P2RX4: variants seen among roughly 807,000 people sequenced by gnomAD.
P2RX4 encodes the protein P2X purinoceptor 4.
A neutral mutation model predicts 48.0 loss-of-function variants in P2RX4; 37 were observed. That is an observed-to-expected ratio of 0.77 (90% CI 0.59 to 1.01). P2RX4 has a LOEUF of 1.01. Among genes scored for constraint, P2RX4 ranks in the 50% least tolerant of loss-of-function variants. P2RX4 has a pLI of 0.00. For synonymous variants in P2RX4, 200 were observed against 199.7 expected (o/e 1.00, Z -0.01); for missense variants, 501 against 521.4 (o/e 0.96, Z 0.38).
At chr12:121,212,824 A>ATATATTTTTTTTTTTTTTTTTTT (rs370835501) in intron 1 of P2RX4, 1 of 32,262 alleles carries the variant, frequency 3.1e-5, no homozygotes, top group African/African-American at 1.7e-4. Context: ...ATATATATAT[A>ATATATTTTTTTTTTTTTTTTTTT]TTTTTTTTTT....
intron 1 of P2RX4, chr12:121,213,650 T>A (rs1886037176): frequency 6.6e-6 from 1 of 152,164 alleles, no homozygotes; most frequent in African/African-American, 2.4e-5. Context: ...CATCTCAGCC[T>A]CTGGAATTAT....
intron 8 of P2RX4, among the ~76,000 whole-genome samples, chr12:121,230,958 T>C (rs1441788317): frequency 6.9e-6 from 1 of 144,958 alleles, no homozygotes; most frequent in Middle Eastern, 3.3e-3. Context: ...ATAGCCATTA[T>C]ATATATAGCC....
chr12:121,218,568 C>T (rs995272213), intron 2 of P2RX4, among the ~76,000 whole-genome samples: 2 of 152,136 alleles, frequency 1.3e-5, no homozygotes, highest in African/African-American at 2.4e-5. Flanking sequence ...AGCAGAGAGA[C>T]GGTTGCCTCC....
intron 1 of P2RX4, among the ~76,000 whole-genome samples, chr12:121,210,537 T>C (rs1038194902): frequency 5.3e-4 from 81 of 152,282 alleles, no homozygotes; most frequent in Middle Eastern, 3.4e-3. Flanking sequence ...CCGAGCACTT[T>C]GGGAGCCCGA....
Position 121,222,981 on chromosome 12 carries a change from G to T in P2RX4, c.462G>T (p.Gly154=). The change falls in exon 5 of 12, where the codon GGG becomes GGT. Residue 154 remains glycine, a synonymous_variant. Coordinates refer to ENST00000337233, the MANE Select transcript of P2RX4 (RefSeq NM_002560.3). ...CAGGCAGGTGCGTAGCTTTCAACGG[G>T]TCTGTCAAGACGTGTGAGGTGGCGG... ...VSTGRCVAFN[G]SVKTCEVAAW... The T allele has an allele frequency of 6.2e-7, 1 of 1,613,854 alleles. No homozygotes were observed. The highest frequency in any genetic ancestry group is 8.5e-7 in the Non-Finnish European group (1 of 1,179,756).
At chr12:121,224,806 G>A (rs987887985) in intron 5 of P2RX4, among the ~76,000 whole-genome samples, 35 of 151,784 alleles carry the variant, frequency 2.3e-4, no homozygotes, top group African/African-American at 7.3e-4. Flanking sequence ...CATGAGCCCC[G>A]GGGAGCAGGA....
At chr12:121,231,256 C>G (rs1292645236) in intron 8 of P2RX4, among the ~76,000 whole-genome samples, 1 of 151,898 alleles carries the variant, frequency 6.6e-6, no homozygotes, top group Admixed American at 6.6e-5. Context: ...CCCAAAGTGC[C>G]GGAATTACAG....
intron 1 of P2RX4, among the ~76,000 whole-genome samples, chr12:121,212,489 ATT>A (rs541747738): frequency 1.0e-3 from 135 of 135,316 alleles, no homozygotes; most frequent in African/African-American, 2.3e-3. Flanking sequence ...AAAAAAAAGA[ATT>A]TTTTTTTTTT....
At chr12:121,228,401 TATATAC>T (rs1233134816) in intron 5 of P2RX4, 126 bp from the exon 6 acceptor site, 29 of 254,052 alleles carry the variant, frequency 1.1e-4, no homozygotes, top group Admixed American at 1.6e-4. Context: ...TATATATATA[TATATAC>T]ACACACACAC....
At chr12:121,216,952 T>C (rs543891116) in intron 1 of P2RX4, 182 bp from the exon 2 acceptor site, 1 of 720,072 alleles carries the variant, frequency 1.4e-6, no homozygotes, top group East Asian at 2.7e-5. Context: ...TCCTGTGGTT[T>C]AGGTGCTACC....
At chr12:121,231,426 T>C (rs1419277628) in intron 8 of P2RX4, among the ~76,000 whole-genome samples, 1 of 152,162 alleles carries the variant, frequency 6.6e-6, no homozygotes, top group African/African-American at 2.4e-5. Flanking sequence ...AACATTTCCG[T>C]CATCTCAAAA....
rs1305810179 is a variant in P2RX4 at position 121,217,225 on chromosome 12, A to G, written c.226A>G (p.Thr76Ala). Residue 76 changes from threonine (T) to alanine (A), a missense_variant, in exon 2 of 12, where the codon ACT becomes GCT. Transcript: ENST00000337233. ...TKVKGVAVTN[T>A]SKLGFRIWDV... ...GGTCAAGGGCGTGGCTGTGACCAAC[A>G]CTTCTAAACTTGGATTCCGGATCTG... The G allele has an allele frequency of 3.1e-6, 5 of 1,614,206 alleles. No homozygotes were observed. In the South Asian group the frequency reaches 3.3e-5, roughly 11 times the overall value.
chr12:121,222,810 G>A, intron 4 of P2RX4, 137 bp from the exon 5 acceptor site: 5 of 1,521,988 alleles, frequency 3.3e-6, no homozygotes, highest in South Asian at 1.2e-5. Flanking sequence ...CAGTGACACT[G>A]TCTAAATCCC....
intron 5 of P2RX4, among the ~76,000 whole-genome samples, chr12:121,225,025 G>A (rs998089226): frequency 9.9e-5 from 15 of 151,944 alleles, no homozygotes; most frequent in Non-Finnish European, 1.8e-4. Context: ...GGCTGGGTCC[G>A]AAAGGAGATG....
rs115025146 is a variant in P2RX4 at position 121,228,253 on chromosome 12, C to T, written c.525-280C>T. 4.3e-3 allele frequency among the ~76,000 whole-genome samples: 645 copies of T among 150,866 alleles called. 6 individuals are homozygous for T. The highest frequency in any genetic ancestry group is 0.015 in the African/African-American group (608 of 41,070). ...AAAAATACAAAAAAAGTTAACCAGG[C>T]ATAGTGGCTCACACCTGTGTAATCC... On this transcript the variant is annotated intron_variant, in intron 5 of 11. Transcript: ENST00000337233.
chr12:121,211,713 C>T (rs1427933148), intron 1 of P2RX4, among the ~76,000 whole-genome samples: 2 of 151,922 alleles, frequency 1.3e-5, no homozygotes, highest in South Asian at 2.1e-4. Context: ...CTCCCTCTGT[C>T]GCCCAGGCTG....
chr12:121,220,671 T>C (rs1343828779), intron 2 of P2RX4, among the ~76,000 whole-genome samples: 4 of 152,064 alleles, frequency 2.6e-5, no homozygotes, highest in African/African-American at 9.7e-5. Context: ...ATTAACCATT[T>C]TAAAATGAAA....
Position 121,232,348 on chromosome 12 carries a change from G to A in P2RX4, c.885-66G>A, listed in dbSNP as rs569296213. 32 of 1,125,268 alleles carry A rather than the reference G, an allele frequency of 2.8e-5. No homozygotes were observed. The highest frequency in any genetic ancestry group is 3.9e-4 in the Middle Eastern group (2 of 5,146). The allele number at this position is 1,125,268 out of a possible 1,614,324, so 69.7% of individuals were successfully genotyped here. On this transcript the variant is annotated intron_variant, in intron 8 of 11. Transcript: ENST00000337233. This position sits in a 1 kb window ranked among gnomAD's most constrained non-coding sequence, Gnocchi z 4.3. ...TCACCTGTGCCAGCTCCACTCTAAC[G>A]TTCTCTCACAGGGCCCAAGGTCCTG...
At chr12:121,211,189 C>T (rs1460717076) in intron 1 of P2RX4, among the ~76,000 whole-genome samples, 1 of 152,112 alleles carries the variant, frequency 6.6e-6, no homozygotes, top group Non-Finnish European at 1.5e-5. Context: ...CTTGAAGGCA[C>T]CTGTTACTTT....
Sources: allele counts gnomAD v4.1 joint callset (sites outside exome capture counted in the v4.1 genomes callset), GRCh38; gene constraint gnomAD v4.1.1; non-coding constraint Gnocchi (gnomAD v3.1); transcripts MANE v1.5; gene names NCBI Gene and HGNC (gene_info 2026-07-23, HGNC 2026-07-21).